The following GCNT2 variants were observed in gnomAD, a reference collection of about 807,000 sequenced individuals.
GCNT2 encodes glucosaminyl (N-acetyl) transferase 2 (I blood group), also known as N-acetyllactosaminide beta-1,6-N-acetylglucosaminyl-transferase.
A neutral mutation model predicts 34.2 loss-of-function variants in GCNT2; 34 were observed. The observed-to-expected ratio is 1.00, with a 90% confidence interval of 0.76 to 1.32. The LOEUF (loss-of-function observed/expected upper bound fraction) is 1.32. GCNT2 is among the 40% of genes most tolerant of loss of function. The pLI, the probability that GCNT2 is intolerant of heterozygous loss-of-function variation, is 0.00. For synonymous variants in GCNT2, 212 were observed against 188.0 expected, an observed-to-expected ratio of 1.13 and a Z score of -1.04; for missense variants, 584 against 489.4, an observed-to-expected ratio of 1.19 and a Z score of -1.82.
chr6:10,554,928 T>C (rs1215212253), intron 3 of GCNT2, among the ~76,000 whole-genome samples: 2 of 152,212 alleles, frequency 1.3e-5, no homozygotes, highest in African/African-American at 2.4e-5. Flanking sequence ...GAAGCGACAG[T>C]GTGCTCAGGA....
intron 1 of GCNT2, among the ~76,000 whole-genome samples, chr6:10,525,106 A>G (rs573031656): frequency 1.5e-4 from 23 of 152,326 alleles, no homozygotes; most frequent in African/African-American, 5.5e-4. Context: ...GTCTGTAGAA[A>G]GGAACCCCTT....
At chr6:10,592,856 T>C (rs953130424) in intron 3 of GCNT2, among the ~76,000 whole-genome samples, 10 of 152,096 alleles carry the variant, frequency 6.6e-5, no homozygotes, top group African/African-American at 1.9e-4. Context: ...TTCTCCTGCC[T>C]CAGCCTCCCA....
intron 3 of GCNT2, chr6:10,585,938 C>T: frequency 6.2e-7 from 1 of 1,608,694 alleles, no homozygotes; most frequent in South Asian, 1.1e-5. Context: ...TCACACCGAT[C>T]ATTTCTCATT....
intron 3 of GCNT2, 173 bp downstream of exon 3, chr6:10,530,009 C>T: frequency 1.6e-6 from 1 of 619,328 alleles, no homozygotes; most frequent in African/African-American, 1.8e-5. Flanking sequence ...TGTTATATCA[C>T]CCACTCTTGT....
At chr6:10,543,705 G>T (rs1173404384) in intron 3 of GCNT2, among the ~76,000 whole-genome samples, 1 of 152,052 alleles carries the variant, frequency 6.6e-6, no homozygotes, top group East Asian at 1.9e-4. Flanking sequence ...CAATGATGTT[G>T]GGCATCATGT....
At chr6:10,530,621 A>G (rs1761440765) in intron 3 of GCNT2, among the ~76,000 whole-genome samples, 1 of 152,142 alleles carries the variant, frequency 6.6e-6, no homozygotes, top group African/African-American at 2.4e-5. Flanking sequence ...CTGTAATCCC[A>G]GCGCTTTGGA....
At chr6:10,573,309 A>G in intron 3 of GCNT2, 7 of 982,636 alleles carry the variant, frequency 7.1e-6, no homozygotes, top group Non-Finnish European at 8.5e-6. Flanking sequence ...TTGAAACTTA[A>G]CAGAATATAG....
At chr6:10,529,917 A>C in intron 3 of GCNT2, 81 bp downstream of exon 3, 1 of 1,119,708 alleles carries the variant, frequency 8.9e-7, no homozygotes, top group Non-Finnish European at 1.3e-6. Flanking sequence ...AAAAGAGTGG[A>C]AAAAATGGGA....
chr6:10,609,181 G>A (rs562259744), intron 3 of GCNT2, among the ~76,000 whole-genome samples: 1 of 152,282 alleles, frequency 6.6e-6, no homozygotes, highest in African/African-American at 2.4e-5. Context: ...GAATCCCTGA[G>A]ACTGGGTAAT....
chr6:10,582,624 T>TA lies in GCNT2; in HGVS notation c.926-38727_926-38726insA, dbSNP rs537212088. On this transcript the variant is annotated intron_variant, in intron 3 of 4. Transcript: ENST00000495262. ...TATATATTTATATAAATATATATAT[T>TA]TTTTTTCCCATGGGCTAAAGGGGAG... Among the ~76,000 whole-genome samples the TA allele has an allele frequency of 6.6e-3, 915 of 138,846 alleles. 12 individuals carry two copies. Among genetic ancestry groups the TA allele is most frequent in the African/African-American group, 0.022 (820 of 37,246 alleles). The allele number at this position is 138,846 out of a possible 152,430, so 91.1% of individuals were successfully genotyped here. A position where few individuals can be genotyped will look rare whatever the true frequency, so the allele number is the denominator to read the frequency against.
chr6:10,526,459 T>C (rs1235745148), intron 1 of GCNT2, among the ~76,000 whole-genome samples: 5 of 152,218 alleles, frequency 3.3e-5, no homozygotes, highest in Non-Finnish European at 5.9e-5. Context: ...CTCCAGGTTC[T>C]AAAGTAGTGA....
intron 3 of GCNT2, among the ~76,000 whole-genome samples, chr6:10,569,036 C>T (rs989226739): frequency 2.0e-5 from 3 of 151,988 alleles, no homozygotes; most frequent in Non-Finnish European, 4.4e-5. Flanking sequence ...CGTATTACCG[C>T]GACTAGACTA....
intron 3 of GCNT2, among the ~76,000 whole-genome samples, chr6:10,598,517 C>T (rs1485984161): frequency 6.6e-6 from 1 of 152,220 alleles, no homozygotes; most frequent in Admixed American, 6.5e-5. Flanking sequence ...ATGCCAACCA[C>T]CACTACTGCT....
chr6:10,588,891 GTGTGTGT>G (rs1288126771), intron 3 of GCNT2, among the ~76,000 whole-genome samples: 3 of 25,658 alleles, frequency 1.2e-4, no homozygotes, highest in Admixed American at 4.7e-4. Flanking sequence ...TGTTTGTAGC[GTGTGTGT>G]TGTGTGGTGT....
intron 3 of GCNT2, among the ~76,000 whole-genome samples, chr6:10,601,961 CAAAA>C (rs1178029203): frequency 1.7e-5 from 2 of 114,330 alleles, no homozygotes; most frequent in African/African-American, 8.1e-5. Flanking sequence ...AAAAAAAAAA[CAAAA>C]AAAACACTAA....
chr6:10,544,207 G>A (rs146279014), intron 3 of GCNT2, among the ~76,000 whole-genome samples: 2,534 of 152,270 alleles, frequency 0.017, 65 homozygotes, highest in African/African-American at 0.058. Context: ...CCAGCTACTT[G>A]GGAGGCTGAG....
At chr6:10,589,409 G>T (rs1764539903) in intron 3 of GCNT2, among the ~76,000 whole-genome samples, 1 of 151,486 alleles carries the variant, frequency 6.6e-6, no homozygotes, top group Non-Finnish European at 1.5e-5. Flanking sequence ...TGGTGTGGGT[G>T]TATGTGTGGT....
At chr6:10,623,569 C>T (rs995511056) in intron 4 of GCNT2, among the ~76,000 whole-genome samples, 1 of 152,182 alleles carries the variant, frequency 6.6e-6, no homozygotes, top group Non-Finnish European at 1.5e-5. Flanking sequence ...GGATTACAGG[C>T]ATGAGCCACC....
chr6:10,582,287 T>C (rs1764123946), intron 3 of GCNT2, among the ~76,000 whole-genome samples: 1 of 105,948 alleles, frequency 9.4e-6, no homozygotes, highest in Admixed American at 1.1e-4. Flanking sequence ...TAAATATATA[T>C]AATATTACTA....
Sources: allele counts gnomAD v4.1 joint callset (sites outside exome capture counted in the v4.1 genomes callset), GRCh38; gene constraint gnomAD v4.1.1; transcripts MANE v1.5; gene names NCBI Gene and HGNC (gene_info 2026-07-23, HGNC 2026-07-21).